AGO2: variants seen among roughly 807,000 people sequenced by gnomAD.
AGO2 encodes protein argonaute-2.
In AGO2, 5 loss-of-function variants were observed where a neutral mutation model predicts 102.3. The observed-to-expected ratio is 0.05, with a 90% CI of 0.03 to 0.10. The LOEUF (loss-of-function observed/expected upper bound fraction) is 0.10, where lower values mean the gene tolerates loss of function less well. AGO2 is among the 10% of genes least tolerant of loss of function. The probability of loss-of-function intolerance (pLI) is 1.00; values close to 1 mark genes in which losing one functional copy is unlikely to be tolerated. For synonymous variants in AGO2, 449 were observed against 473.1 expected (o/e 0.95, Z 0.66); for missense variants, 541 against 1,183.7 (o/e 0.46, Z 7.97).
intron 2 of AGO2, among the ~76,000 whole-genome samples, chr8:140,577,664 C>T (rs549170292): frequency 1.8e-4 from 27 of 152,300 alleles, no homozygotes; most frequent in Middle Eastern, 3.4e-3. Context: ...AGCCCAGAGT[C>T]CAGAGCCCAG....
intron 18 of AGO2, 49 bp downstream of exon 18, chr8:140,532,367 G>C: frequency 6.4e-7 from 1 of 1,567,464 alleles, no homozygotes; most frequent in Non-Finnish European, 8.7e-7. Flanking sequence ...GCCAATACCC[G>C]TGGCAAAAAC....
rs542470993 is a variant in AGO2 at position 140,549,815 on chromosome 8, C to A, written c.1404-517G>T. 3.6e-3 allele frequency among the ~76,000 whole-genome samples: 552 copies of A among 152,332 alleles called. 3 individuals carry two copies. The highest frequency in any genetic ancestry group is 5.7e-3 in the Non-Finnish European group (391 of 68,024). ...ACATCATCACGAGAGAAAACAGCAG[C>A]CCGCAGCCTGAGGAGTGGCAGCAGC... On this transcript the variant is annotated intron_variant, in intron 11 of 18. Coordinates refer to ENST00000220592, the MANE Select transcript of AGO2 (RefSeq NM_012154.5).
chr8:140,578,983 C>T (rs758793586), intron 2 of AGO2, among the ~76,000 whole-genome samples: 13 of 152,214 alleles, frequency 8.5e-5, no homozygotes, highest in Non-Finnish European at 1.6e-4. Context: ...TGCCTTAATA[C>T]ATTCTCACCA....
rs375683698 is a variant in AGO2 at position 140,539,465 on chromosome 8, G to A, written c.2035-11C>T. On this transcript the variant is annotated splice_polypyrimidine_tract_variant and intron_variant, in intron 15 of 18. Transcript: ENST00000220592. The surrounding 1 kb of genome is among the most constrained non-coding windows in gnomAD (Gnocchi z 4.7). ...CTCGTGGTGGAGAACCTAGGGGTAC[G>A]GGAGGGAGGAGGTTGTGCTTAAAGA... The A allele has an allele frequency of 2.6e-5, 42 of 1,606,712 alleles. No homozygotes were observed. The African/African-American group carries it at 2.8e-4, about 11-fold the overall frequency.
At position 140,556,027 on chromosome 8, in the gene AGO2, G is replaced by C; in HGVS notation, c.1147-9C>G. On this transcript the variant is annotated splice_polypyrimidine_tract_variant and intron_variant, in intron 9 of 18. Coordinates refer to ENST00000220592, the MANE Select transcript of AGO2 (RefSeq NM_012154.5). ...AAACTTGCACTTCGCATCTGGCAAA[G>C]GGAAACAAGAAAACGCACGGAGTGG... 1 of 1,614,116 alleles carries C rather than the reference G, an allele frequency of 6.2e-7. No homozygotes were observed. The highest frequency in any genetic ancestry group is 8.5e-7 in the Non-Finnish European group (1 of 1,179,970).
At chr8:140,626,558 G>A (rs915980719) in intron 1 of AGO2, 1 of 152,220 alleles carries the variant, frequency 6.6e-6, no homozygotes, top group African/African-American at 2.4e-5. Context: ...ATGAGGACGA[G>A]GTTTTCACTC....
At chr8:140,535,428 G>C (rs1303198690) in intron 17 of AGO2, 40 bp downstream of exon 17, 1 of 1,597,006 alleles carries the variant, frequency 6.3e-7, no homozygotes, top group South Asian at 1.1e-5. Flanking sequence ...TGACACGGCA[G>C]ACGGCCAAGA....
chr8:140,544,281 C>T lies in AGO2; in HGVS notation c.1771G>A (p.Val591Ile), dbSNP rs761608891. The change falls in exon 14 of 19, where the codon GTC becomes ATC. Residue 591 changes from valine to isoleucine, a missense_variant. Physicochemically the swap from Val to Ile is conservative, Grantham distance 29. Coordinates refer to ENST00000220592, the MANE Select transcript of AGO2 (RefSeq NM_012154.5). ...GTGACGTCTGCTCCCAGAAAGATGA[C>T]GGGCTGCTGGAACACCGGCGGCCTG... ...QGRPPVFQQP[V>I]IFLGADVTHP... is the part of the protein sequence containing the mutation. The T allele has an allele frequency of 2.5e-6, 4 of 1,602,510 alleles. No homozygotes were observed. Among genetic ancestry groups the T allele is most frequent in the Non-Finnish European group, 3.4e-6 (4 of 1,175,430 alleles).
In AGO2 at chr8:140,541,257, G is replaced by A. The variant is rs749601049; in HGVS notation, c.1941C>T (p.Arg647=). The A allele has an allele frequency of 5.6e-6, 9 of 1,613,076 alleles. No individual in the cohort carries two copies. Among genetic ancestry groups the A allele is most frequent in the South Asian group, 3.3e-5 (3 of 90,854 alleles). ...ACTTGTAGAACTGGATGAGGAGCTC[G>A]CGGACCATGGCGGCCAGGTCTTGTA... ...EIIQDLAAMV[R]ELLIQFYKST... The change falls in exon 15 of 19, where the codon CGC becomes CGT. Residue 647 remains arginine (R), a synonymous_variant. Transcript: ENST00000220592.
At chr8:140,620,507 T>A (rs999452399) in intron 1 of AGO2, among the ~76,000 whole-genome samples, 3 of 152,148 alleles carry the variant, frequency 2.0e-5, no homozygotes, top group Non-Finnish European at 4.4e-5. Context: ...CACATGAGTG[T>A]TCCTTATATC....
chr8:140,638,809 A>G (rs1343820670), upstream of AGO2, among the ~76,000 whole-genome samples: 1 of 152,134 alleles, frequency 6.6e-6, no homozygotes, highest in African/African-American at 2.4e-5. Context: ...TGCTTGGCCC[A>G]AGTGATCCTC....
chr8:140,607,440 CCA>C (rs2074011894), intron 1 of AGO2, among the ~76,000 whole-genome samples: 1 of 137,770 alleles, frequency 7.3e-6, no homozygotes, highest in Admixed American at 7.6e-5. Flanking sequence ...CGTCTCACCC[CCA>C]CCTCTTAAAG....
intron 16 of AGO2, among the ~76,000 whole-genome samples, chr8:140,538,919 AG>A (rs1167758396): frequency 6.6e-5 from 10 of 152,178 alleles, no homozygotes; most frequent in Admixed American, 1.3e-4. Context: ...TGGACAAAAT[AG>A]TGAGACCCTG....
chr8:140,628,946 G>A (rs1408938347), intron 1 of AGO2, among the ~76,000 whole-genome samples: 1 of 151,974 alleles, frequency 6.6e-6, no homozygotes, highest in African/African-American at 2.4e-5. Flanking sequence ...AAAAAAATTT[G>A]GGTATATAGT....
intron 1 of AGO2, among the ~76,000 whole-genome samples, chr8:140,614,724 C>T (rs1212967811): frequency 2.0e-5 from 3 of 152,214 alleles, no homozygotes; most frequent in Admixed American, 1.3e-4. Flanking sequence ...CTTACTGCTG[C>T]GTGACCTGAA....
At chr8:140,548,803 A>C (rs936376936) in intron 12 of AGO2, among the ~76,000 whole-genome samples, 1 of 152,158 alleles carries the variant, frequency 6.6e-6, no homozygotes, top group Non-Finnish European at 1.5e-5. Context: ...TGCGTTAAAC[A>C]AACGTTCCCC....
intron 16 of AGO2, among the ~76,000 whole-genome samples, chr8:140,538,110 G>A (rs6987312): frequency 0.042 from 6,417 of 152,300 alleles, 185 homozygotes; most frequent in African/African-American, 0.083. Flanking sequence ...GTGAGCCACC[G>A]TGCCTGGCCT....
intron 1 of AGO2, among the ~76,000 whole-genome samples, chr8:140,612,975 A>C (rs915182279): frequency 5.9e-5 from 9 of 151,836 alleles, no homozygotes; most frequent in Admixed American, 3.3e-4. Flanking sequence ...CGAGGTGGGC[A>C]GATCACGAGG....
rs1165518515 is a variant in AGO2 at position 140,605,502 on chromosome 8, C to G, written c.23-20191G>C. Among the ~76,000 whole-genome samples, 7 of 152,188 alleles carry G rather than the reference C, an allele frequency of 4.6e-5. No homozygotes were observed. In the South Asian group the frequency reaches 1.4e-3, roughly 31 times the overall value. ...GCTGAACACAGACGGGGGTGCAGGG[C>G]TCTGGGGTAGGGAGGACGCACGGGG... On this transcript the variant is annotated intron_variant, in intron 1 of 18. Coordinates refer to ENST00000220592, the MANE Select transcript of AGO2 (RefSeq NM_012154.5).
Sources: allele counts gnomAD v4.1 joint callset (sites outside exome capture counted in the v4.1 genomes callset), GRCh38; gene constraint gnomAD v4.1.1; non-coding constraint Gnocchi (gnomAD v3.1); transcripts MANE v1.5; gene names NCBI Gene and HGNC (gene_info 2026-07-23, HGNC 2026-07-21).